The following HERC2 variants were observed in gnomAD, a reference collection of about 807,000 sequenced individuals.
HERC2 encodes HECT and RLD domain containing E3 ubiquitin protein ligase 2.
In HERC2, 102 loss-of-function variants were observed where a neutral mutation model predicts 537.7. The observed-to-expected ratio is 0.19, with a 90% CI of 0.16 to 0.22. The LOEUF (loss-of-function observed/expected upper bound fraction) is 0.22. Ranked by LOEUF, HERC2 falls within the 10% of genes least tolerant of loss-of-function variation. The pLI is 1.00. For synonymous variants in HERC2, 2,224 were observed against 2,466.2 expected (o/e 0.90, Z 2.91); for missense variants, 4,236 against 6,198.2 (o/e 0.68, Z 10.63).
chr15:28,168,255 T>G, intron 67 of HERC2, 152 bp downstream of exon 67: 1 of 652,706 alleles, frequency 1.5e-6, no homozygotes, highest in Non-Finnish European at 2.5e-6. Context: ...CTTTAAAAGC[T>G]CCTTTACAGA....
intron 20 of HERC2, among the ~76,000 whole-genome samples, chr15:28,251,704 G>A (rs1272131784): frequency 6.6e-6 from 1 of 151,970 alleles, no homozygotes; most frequent in Non-Finnish European, 1.5e-5. Context: ...GGAGGCTGAG[G>A]CAGGAGAATC....
intron 26 of HERC2, among the ~76,000 whole-genome samples, chr15:28,236,631 A>G (rs1902494931): frequency 6.6e-6 from 1 of 152,060 alleles, no homozygotes; most frequent in Admixed American, 6.5e-5. Flanking sequence ...TCTGTCACCC[A>G]GGCTGGAGTG....
Position 28,177,288 on chromosome 15 carries a change from T to C in HERC2, c.9254+131A>G. The C allele has an allele frequency of 8.2e-7, 1 of 1,222,338 alleles. No homozygotes were observed. Among genetic ancestry groups the C allele is most frequent in the Non-Finnish European group, 1.2e-6 (1 of 869,114 alleles). 75.7% of individuals were successfully genotyped at this position (1,222,338 alleles called of 1,614,324 possible). A position where few individuals can be genotyped will look rare whatever the true frequency, so the allele number is the denominator to read the frequency against. On this transcript the variant is annotated intron_variant, in intron 60 of 92. Coordinates refer to ENST00000261609, the MANE Select transcript of HERC2 (RefSeq NM_004667.6). This position sits in a 1 kb window ranked among gnomAD's most constrained non-coding sequence, Gnocchi z 5.0. ...GGTGAGACCAAAACACAAACAACCG[T>C]GTTAAAAAAATTTTGTTTAAGAACC...
intron 2 of HERC2, among the ~76,000 whole-genome samples, 166 bp downstream of exon 2, chr15:28,321,196 A>C (rs1020640341): frequency 6.6e-6 from 1 of 152,170 alleles, no homozygotes; most frequent in African/African-American, 2.4e-5. Context: ...ATCTACAAAA[A>C]CAGCCATAAA....
intron 70 of HERC2, among the ~76,000 whole-genome samples, chr15:28,147,546 G>A (rs1436893753): frequency 2.6e-5 from 4 of 152,016 alleles, no homozygotes; most frequent in Non-Finnish European, 5.9e-5. Context: ...GCTAAGGAAG[G>A]GGGATCGCTT....
chr15:28,163,783 T>G (rs554604561), intron 68 of HERC2, among the ~76,000 whole-genome samples: 5 of 152,354 alleles, frequency 3.3e-5, no homozygotes, highest in African/African-American at 9.6e-5. Flanking sequence ...CTCTCTCTCC[T>G]TGGGTTCATT....
intron 5 of HERC2, among the ~76,000 whole-genome samples, chr15:28,279,128 A>T (rs2075956513): frequency 6.6e-6 from 1 of 152,132 alleles, no homozygotes; most frequent in Non-Finnish European, 1.5e-5. Flanking sequence ...AGTAGCTGGG[A>T]TTACAGGCAT....
At chr15:28,179,793 G>T (rs550048423) in intron 57 of HERC2, among the ~76,000 whole-genome samples, 2 of 152,200 alleles carry the variant, frequency 1.3e-5, no homozygotes, top group African/African-American at 4.8e-5. Flanking sequence ...TAACAAACAC[G>T]TTAAAAAGTA....
intron 72 of HERC2, 62 bp downstream of exon 72, chr15:28,144,611 T>C (rs541712773): frequency 2.1e-5 from 34 of 1,610,828 alleles, no homozygotes; most frequent in African/African-American, 6.7e-5. Context: ...CGTGTCCCTG[T>C]TGCTCCAGAA....
intron 20 of HERC2, among the ~76,000 whole-genome samples, chr15:28,251,394 G>GA (rs2075074275): frequency 6.6e-6 from 1 of 151,502 alleles, no homozygotes; most frequent in South Asian, 2.1e-4. Context: ...AGTGAGCTGA[G>GA]ATCGTGCCAC....
chr15:28,159,554 A>C (rs917281248), intron 69 of HERC2, among the ~76,000 whole-genome samples: 1 of 152,206 alleles, frequency 6.6e-6, no homozygotes, highest in Non-Finnish European at 1.5e-5. Flanking sequence ...TTTGTCACGT[A>C]GTTCTCATGC....
chr15:28,281,593 T>G (rs1205861512), intron 4 of HERC2, among the ~76,000 whole-genome samples: 1 of 152,134 alleles, frequency 6.6e-6, no homozygotes, highest in African/African-American at 2.4e-5. Flanking sequence ...GAGAGAAACA[T>G]CTCACCACTC....
chr15:28,164,837 T>C (rs1893967418), intron 68 of HERC2, among the ~76,000 whole-genome samples: 1 of 152,220 alleles, frequency 6.6e-6, no homozygotes, highest in South Asian at 2.1e-4. Context: ...AGTTCTGCAT[T>C]AAACCCTCAA....
At chr15:28,254,140 G>C (rs570287569) in intron 20 of HERC2, among the ~76,000 whole-genome samples, 200 bp downstream of exon 20, 1 of 151,904 alleles carries the variant, frequency 6.6e-6, no homozygotes, top group Admixed American at 6.6e-5. Context: ...AAGATTAGTC[G>C]GGTGTGGTGG....
intron 2 of HERC2, among the ~76,000 whole-genome samples, chr15:28,320,769 C>T (rs1292009136): frequency 7.3e-5 from 11 of 151,682 alleles, no homozygotes; most frequent in Non-Finnish European, 1.0e-4. Context: ...TTAATAATGT[C>T]CTGACAAGCT....
chr15:28,217,408 G>A (rs367936957), intron 38 of HERC2, among the ~76,000 whole-genome samples: 80 of 147,686 alleles, frequency 5.4e-4, no homozygotes, highest in Middle Eastern at 3.4e-3. Flanking sequence ...CTTGCCCATC[G>A]ACCGCTAACA....
intron 2 of HERC2, among the ~76,000 whole-genome samples, chr15:28,314,415 A>G (rs2077027375): frequency 6.6e-6 from 1 of 152,250 alleles, no homozygotes; most frequent in Admixed American, 6.5e-5. Flanking sequence ...AACGGTATGC[A>G]GTATATGACT....
chr15:28,189,539 C>T (rs1385855794), intron 55 of HERC2, among the ~76,000 whole-genome samples: 2 of 152,150 alleles, frequency 1.3e-5, no homozygotes, highest in Admixed American at 6.5e-5. Flanking sequence ...AATTTCTTCA[C>T]TTATTAGCAC....
intron 2 of HERC2, among the ~76,000 whole-genome samples, chr15:28,307,532 G>A (rs942930379): frequency 6.6e-5 from 10 of 152,054 alleles, no homozygotes; most frequent in African/African-American, 1.4e-4. Context: ...CACAGATTTC[G>A]TATGCTGTGT....
Sources: allele counts gnomAD v4.1 joint callset (sites outside exome capture counted in the v4.1 genomes callset), GRCh38; gene constraint gnomAD v4.1.1; non-coding constraint Gnocchi (gnomAD v3.1); transcripts MANE v1.5; gene names NCBI Gene and HGNC (gene_info 2026-07-23, HGNC 2026-07-21).